NRXN3: variants seen among roughly 807,000 people sequenced by gnomAD.
NRXN3 encodes neurexin 3, also known as neurexin III.
Under a neutral mutation model 137.6 loss-of-function variants are expected in NRXN3, and 32 were observed. The ratio of observed to expected loss-of-function variants is 0.23; its 90% CI spans 0.18 to 0.31. NRXN3 has a LOEUF of 0.31. NRXN3 is among the 10% of genes least tolerant of loss of function. NRXN3 has a pLI of 1.00. For missense variants in NRXN3, 1,574 were observed against 2,062.5 expected, an observed-to-expected ratio of 0.76 and a Z score of 4.59; for synonymous variants, 798 against 784.5, an observed-to-expected ratio of 1.02 and a Z score of -0.29.
chr14:79,759,041 A>G (rs1379883446), intron 19 of NRXN3, among the ~76,000 whole-genome samples: 3 of 152,192 alleles, frequency 2.0e-5, no homozygotes, highest in Non-Finnish European at 4.4e-5. Flanking sequence ...AGGAAAAGAC[A>G]TTGCAGGGGG....
chr14:79,015,682 A>G (rs946703187), intron 15 of NRXN3, among the ~76,000 whole-genome samples: 5 of 152,166 alleles, frequency 3.3e-5, no homozygotes, highest in African/African-American at 1.2e-4. Flanking sequence ...TCTCAAGAAG[A>G]ATGACACTTG....
At chr14:79,743,429 T>C (rs568161914) in intron 19 of NRXN3, among the ~76,000 whole-genome samples, 3 of 152,316 alleles carry the variant, frequency 2.0e-5, no homozygotes, top group African/African-American at 7.2e-5. Flanking sequence ...TGGAGGGGAA[T>C]GTATATTTCA....
chr14:79,639,360 T>G (rs1367764505), intron 16 of NRXN3, among the ~76,000 whole-genome samples: 1 of 152,184 alleles, frequency 6.6e-6, no homozygotes, highest in Non-Finnish European at 1.5e-5. Flanking sequence ...GCTCCTCTCC[T>G]TCCTCCTACC....
intron 1 of NRXN3, among the ~76,000 whole-genome samples, chr14:78,200,785 C>T (rs1311511228): frequency 5.3e-5 from 8 of 152,198 alleles, no homozygotes; most frequent in African/African-American, 1.9e-4. Context: ...GGTCTAGCTA[C>T]TCCCCTCATC....
intron 16 of NRXN3, among the ~76,000 whole-genome samples, chr14:79,580,632 G>T (rs1175492317): frequency 6.6e-6 from 1 of 152,078 alleles, no homozygotes; most frequent in African/African-American, 2.4e-5. Flanking sequence ...GCTATAAATA[G>T]CATGGTCCAT....
intron 1 of NRXN3, among the ~76,000 whole-genome samples, chr14:78,173,299 G>T (rs1415806988): frequency 2.0e-5 from 3 of 151,402 alleles, no homozygotes; most frequent in South Asian, 4.2e-4. Flanking sequence ...GCCTTTTAGA[G>T]AAAAAAAAGA....
At chr14:79,254,151 G>A (rs2076288975) in intron 15 of NRXN3, among the ~76,000 whole-genome samples, 1 of 152,054 alleles carries the variant, frequency 6.6e-6, no homozygotes, top group African/African-American at 2.4e-5. Context: ...ACACTCTGGG[G>A]CAACCTGAAG....
chr14:79,685,391 T>C (rs1201527092), intron 17 of NRXN3, among the ~76,000 whole-genome samples: 2 of 152,112 alleles, frequency 1.3e-5, no homozygotes, highest in Non-Finnish European at 2.9e-5. Flanking sequence ...AATCAACTAC[T>C]GTAGCTTCAG....
chr14:79,073,632 T>G (rs2099691267), intron 15 of NRXN3, among the ~76,000 whole-genome samples: 1 of 152,180 alleles, frequency 6.6e-6, no homozygotes, highest in Non-Finnish European at 1.5e-5. Flanking sequence ...AGCCTTTTCT[T>G]TTTATTCCCT....
At chr14:79,558,084 C>A (rs536663627) in intron 16 of NRXN3, among the ~76,000 whole-genome samples, 1 of 152,292 alleles carries the variant, frequency 6.6e-6, no homozygotes, top group South Asian at 2.1e-4. Flanking sequence ...CATGAGATTG[C>A]AGCAATTCCA....
chr14:79,754,517 T>C (rs1163608913), intron 19 of NRXN3, among the ~76,000 whole-genome samples: 2 of 1,784 alleles, frequency 1.1e-3, no homozygotes, highest in African/African-American at 0.011. Context: ...TATATATATA[T>C]ATATATATAT....
chr14:79,510,591 A>G (rs768486405), intron 16 of NRXN3, among the ~76,000 whole-genome samples: 1 of 152,158 alleles, frequency 6.6e-6, no homozygotes, highest in Non-Finnish European at 1.5e-5. Context: ...GTAATGAGAG[A>G]AATAAACGAA....
At chr14:78,265,759 A>G (rs972019588) in intron 2 of NRXN3, among the ~76,000 whole-genome samples, 14 of 152,174 alleles carry the variant, frequency 9.2e-5, no homozygotes, top group African/African-American at 3.4e-4. Flanking sequence ...TGTCCAGCTG[A>G]GTGTACGTGT....
chr14:78,463,280 T>G (rs1217689460), intron 4 of NRXN3, among the ~76,000 whole-genome samples: 1 of 152,166 alleles, frequency 6.6e-6, no homozygotes, highest in Admixed American at 6.6e-5. Flanking sequence ...ATTTTCCTGA[T>G]CCAGTCACCA....
chr14:79,664,066 C>T, intron 17 of NRXN3, 117 bp downstream of exon 17: 1 of 1,052,648 alleles, frequency 9.5e-7, no homozygotes, highest in Non-Finnish European at 1.4e-6. Flanking sequence ...AGTACACATT[C>T]ATGATTTTTT....
At chr14:79,804,829 A>C (rs532837523) in intron 19 of NRXN3, among the ~76,000 whole-genome samples, 1 of 152,190 alleles carries the variant, frequency 6.6e-6, no homozygotes, top group Admixed American at 6.5e-5. Flanking sequence ...AGGCTACAAA[A>C]TGTCATTTAT....
At chr14:78,782,133 C>T (rs2098772094) in intron 8 of NRXN3, among the ~76,000 whole-genome samples, 1 of 152,196 alleles carries the variant, frequency 6.6e-6, no homozygotes, top group African/African-American at 2.4e-5. Context: ...CCTTGCAGGC[C>T]TCACCTCCCA....
chr14:79,609,965 G>A (rs943121152), intron 16 of NRXN3, among the ~76,000 whole-genome samples: 1 of 151,968 alleles, frequency 6.6e-6, no homozygotes, highest in Admixed American at 6.6e-5. Flanking sequence ...GGAGGTTGGG[G>A]GAGGGATAGC....
At chr14:78,892,462 C>T (rs968005495) in intron 10 of NRXN3, among the ~76,000 whole-genome samples, 7 of 151,730 alleles carry the variant, frequency 4.6e-5, no homozygotes, top group African/African-American at 1.5e-4. Context: ...CTGAGCAACA[C>T]GCTTGTGAGT....
Sources: gnomAD v4.1 joint callset for allele counts (sites outside exome capture counted in the v4.1 genomes callset) on GRCh38, gnomAD v4.1.1 for gene constraint, MANE v1.5 for transcripts, NCBI Gene and HGNC (gene_info 2026-07-23, HGNC 2026-07-21) for gene names.